Variants in CARS2 observed in about 807,000 individuals in gnomAD.
CARS2 encodes cysteinyl-tRNA synthetase 2, mitochondrial.
CARS2 carries 52 observed loss-of-function variants against 68.8 expected under a neutral mutation model. The observed-to-expected ratio is 0.76, with a 90% CI of 0.61 to 0.95. The LOEUF is 0.95. Among genes scored for constraint, CARS2 ranks in the 40% least tolerant of loss-of-function variants. The probability of loss-of-function intolerance (pLI) is 0.00; values close to 1 mark genes in which losing one functional copy is unlikely to be tolerated. For missense variants in CARS2, 780 were observed against 754.2 expected (o/e 1.03, Z -0.40); for synonymous variants, 314 against 303.6 (o/e 1.03, Z -0.36).
chr13:110,664,493 G>T, intron 8 of CARS2: 1 of 640,796 alleles, frequency 1.6e-6, no homozygotes, highest in Non-Finnish European at 1.9e-6. Context: ...CTCCAGCCTG[G>T]GCCACAGAGC....
chr13:110,689,092 A>T (rs2063385877), intron 3 of CARS2, among the ~76,000 whole-genome samples: 1 of 152,242 alleles, frequency 6.6e-6, no homozygotes, highest in Non-Finnish European at 1.5e-5. Context: ...GGGGGCACGC[A>T]TCTGCAGCCC....
chr13:110,677,612 C>T (rs1338706312), intron 6 of CARS2, among the ~76,000 whole-genome samples: 1 of 38,258 alleles, frequency 2.6e-5, no homozygotes, highest in Non-Finnish European at 6.2e-5. Flanking sequence ...ACCACGGACA[C>T]GCAGACAGTC....
intron 7 of CARS2, among the ~76,000 whole-genome samples, chr13:110,669,523 A>G (rs1386464565): frequency 6.6e-6 from 1 of 152,188 alleles, no homozygotes; most frequent in African/African-American, 2.4e-5. Context: ...TTATTAAAAT[A>G]AATATTTGCT....
intron 5 of CARS2, among the ~76,000 whole-genome samples, chr13:110,685,991 T>TG (rs1491094080): frequency 0.015 from 187 of 12,218 alleles, no homozygotes; most frequent in African/African-American, 0.056. Flanking sequence ...CCAGAAAAAA[T>TG]GAAAAAAAAA....
At position 110,666,476 on chromosome 13, in the gene CARS2, T is replaced by C. The variant is rs561667388; in HGVS notation, c.919+864A>G. ...AGGTAATGGTAGGGGCAGAGCCGCC[T>C]GCTGGGTTCCCCGACTCAACAGGGT... On this transcript the variant is annotated intron_variant, in intron 8 of 14. Coordinates refer to ENST00000257347, the MANE Select transcript of CARS2 (RefSeq NM_024537.4). 10 of 985,226 alleles carry C rather than the reference T, an allele frequency of 1.0e-5. No individual in the cohort carries two copies. In the South Asian group the frequency reaches 3.3e-4, roughly 32 times the overall value. The allele number at this position is 985,226 out of a possible 1,614,324, so 61.0% of individuals were successfully genotyped here.
intron 3 of CARS2, among the ~76,000 whole-genome samples, chr13:110,690,561 T>A (rs2063429186): frequency 6.6e-6 from 1 of 152,100 alleles, no homozygotes; most frequent in African/African-American, 2.4e-5. Flanking sequence ...TGGCCTCTAC[T>A]CCCCCTTCCA....
intron 11 of CARS2, chr13:110,646,836 G>C (rs547738395): frequency 7.3e-6 from 3 of 411,632 alleles, no homozygotes; most frequent in Non-Finnish European, 1.3e-5. Flanking sequence ...AGCACCCAGT[G>C]TCCTGTGGCC....
At chr13:110,679,573 G>A (rs9521896) in intron 6 of CARS2, among the ~76,000 whole-genome samples, 10,177 of 93,574 alleles carry the variant, frequency 0.11, 791 homozygotes, top group African/African-American at 0.19. Context: ...AAGAAAGAGA[G>A]AGAAAGAAAG....
chr13:110,695,949 G>A (rs1594402637), intron 3 of CARS2, among the ~76,000 whole-genome samples: 1 of 151,894 alleles, frequency 6.6e-6, no homozygotes, highest in African/African-American at 2.4e-5. Flanking sequence ...CCTGACAGGC[G>A]CCGGGTGTGT....
intron 3 of CARS2, among the ~76,000 whole-genome samples, chr13:110,700,884 C>A (rs539948809): frequency 6.6e-6 from 1 of 152,072 alleles, no homozygotes; most frequent in African/African-American, 2.4e-5. Flanking sequence ...AAGGAGGTAA[C>A]GACACGAGGC....
At position 110,676,191 on chromosome 13, in the gene CARS2, G is replaced by A. The variant is rs895383102; in HGVS notation, c.785+783C>T. Among the ~76,000 whole-genome samples, 3 of 152,172 alleles carry A rather than the reference G, an allele frequency of 2.0e-5. No homozygotes were observed. Among genetic ancestry groups the A allele is most frequent in the Admixed American group, 6.5e-5 (1 of 15,272 alleles). ...ACAGGAACATGAAACTAACTGTGGC[G>A]AGCCCCATGGGCAGCTGTGCAGCAC... On this transcript the variant is annotated intron_variant, in intron 7 of 14. Transcript: ENST00000257347. This position sits in a 1 kb window ranked among gnomAD's most constrained non-coding sequence, Gnocchi z 4.0.
intron 3 of CARS2, among the ~76,000 whole-genome samples, chr13:110,697,670 TG>T (rs1432564741): frequency 6.6e-6 from 1 of 152,278 alleles, no homozygotes; most frequent in East Asian, 1.9e-4. Context: ...CTCTAACTCC[TG>T]GGCTTAAGTG....
In CARS2 at chr13:110,670,742, C is replaced by T. The variant is rs985846703; in HGVS notation, c.786-3269G>A. On this transcript the variant is annotated intron_variant, in intron 7 of 14. Transcript: ENST00000257347. The surrounding 1 kb of genome is among the most constrained non-coding windows in gnomAD (Gnocchi z 4.1). ...TGAGTTGAGAGAAGAAGGCTTCAGA[C>T]GATCGGTAATAACAAACTTCTCCGA... Among the ~76,000 whole-genome samples the T allele has an allele frequency of 3.9e-5, 6 of 152,142 alleles. No homozygotes were observed. The highest frequency in any genetic ancestry group is 5.9e-5 in the Non-Finnish European group (4 of 68,028).
intron 3 of CARS2, among the ~76,000 whole-genome samples, chr13:110,689,647 AC>A (rs1425922483): frequency 6.6e-6 from 1 of 152,196 alleles, no homozygotes; most frequent in Non-Finnish European, 1.5e-5. Flanking sequence ...TAGAAGAACC[AC>A]TGTGTATATA....
chr13:110,654,842 C>T (rs547024684), intron 9 of CARS2, among the ~76,000 whole-genome samples: 3 of 141,772 alleles, frequency 2.1e-5, no homozygotes, highest in African/African-American at 5.4e-5. Context: ...CCGGAGCCCA[C>T]AAGTTCCAGG....
In CARS2 at chr13:110,705,786, C is replaced by T. The variant is rs754923111; in HGVS notation, c.224+84G>A. 1 of 1,527,734 alleles carries T rather than the reference C, an allele frequency of 6.5e-7. No homozygotes were observed. The highest frequency in any genetic ancestry group is 1.2e-5 in the South Asian group (1 of 82,232). The allele number at this position is 1,527,734 out of a possible 1,614,324, so 94.6% of individuals were successfully genotyped here. ...CCCTCCATGCAGCTTCCTAAACGCC[C>T]TCCCCGAGCCCAGATCCCGTTCAGC... is the stretch of plus-strand genomic sequence containing the variant. On this transcript the variant is annotated intron_variant, in intron 1 of 14. Coordinates refer to ENST00000257347, the MANE Select transcript of CARS2 (RefSeq NM_024537.4). This position sits in a 1 kb window ranked among gnomAD's most constrained non-coding sequence, Gnocchi z 4.0.
rs922388811 is a variant in CARS2 at position 110,653,938 on chromosome 13, C to T, written c.988-2838G>A. Among the ~76,000 whole-genome samples, 4 of 152,222 alleles carry T rather than the reference C, an allele frequency of 2.6e-5. No individual in the cohort carries two copies. Among genetic ancestry groups the T allele is most frequent in the African/African-American group, 7.2e-5 (3 of 41,456 alleles). ...ACTCCGGTTCCACCGTGCAACCTGCCACGGCTCCCTGAGAGGCAAAATGTG... is the reference window on the plus strand; with the variant it reads ...ACTCCGGTTCCACCGTGCAACCTGCTACGGCTCCCTGAGAGGCAAAATGTG... On this transcript the variant is annotated intron_variant, in intron 9 of 14. Transcript: ENST00000257347. The surrounding 1 kb of genome is among the most constrained non-coding windows in gnomAD (Gnocchi z 5.6).
intron 9 of CARS2, among the ~76,000 whole-genome samples, chr13:110,659,500 T>C (rs918915714): frequency 2.0e-5 from 3 of 150,468 alleles, no homozygotes; most frequent in South Asian, 4.2e-4. Flanking sequence ...AGATCTCCTT[T>C]TTTTTTTTTG....
At chr13:110,701,773 A>G (rs1351453970) in intron 2 of CARS2, among the ~76,000 whole-genome samples, 1 of 152,230 alleles carries the variant, frequency 6.6e-6, no homozygotes, top group Admixed American at 6.5e-5. Flanking sequence ...TATTGCATCA[A>G]TTTCAGGACA....
Sources: allele counts gnomAD v4.1 joint callset (sites outside exome capture counted in the v4.1 genomes callset), GRCh38; gene constraint gnomAD v4.1.1; non-coding constraint Gnocchi (gnomAD v3.1); transcripts MANE v1.5; gene names NCBI Gene and HGNC (gene_info 2026-07-23, HGNC 2026-07-21).